Variants in ZFYVE9 observed in about 807,000 individuals in gnomAD.
ZFYVE9 encodes the protein zinc finger FYVE domain-containing protein 9.
ZFYVE9 carries 43 observed loss-of-function variants against 126.7 expected under a neutral mutation model. That is an observed-to-expected ratio of 0.34 (90% CI 0.27 to 0.44). The LOEUF is 0.44. ZFYVE9 is among the 20% of genes least tolerant of loss of function. The pLI is 1.00. For missense variants in ZFYVE9, 1,476 were observed against 1,697.0 expected, an observed-to-expected ratio of 0.87 and a Z score of 2.29; for synonymous variants, 521 against 597.4, an observed-to-expected ratio of 0.87 and a Z score of 1.87.
chr1:52,308,963 T>C (rs1423183546), intron 13 of ZFYVE9, among the ~76,000 whole-genome samples: 7 of 152,172 alleles, frequency 4.6e-5, no homozygotes. Context: ...TAAAACAATA[T>C]GAAAACAAAT....
intron 1 of ZFYVE9, among the ~76,000 whole-genome samples, chr1:52,193,070 T>C (rs149578682): frequency 1.2e-4 from 18 of 152,258 alleles, no homozygotes; most frequent in African/African-American, 4.3e-4. Context: ...TGAACCCCCA[T>C]TTGAACTCAG....
At chr1:52,174,188 A>G (rs1418354178) in intron 1 of ZFYVE9, among the ~76,000 whole-genome samples, 1 of 152,072 alleles carries the variant, frequency 6.6e-6, no homozygotes, top group Non-Finnish European at 1.5e-5. Context: ...TGTCCCAGAG[A>G]TTCTGGTATG....
At chr1:52,210,005 T>G (rs1645012926) in intron 1 of ZFYVE9, among the ~76,000 whole-genome samples, 1 of 152,136 alleles carries the variant, frequency 6.6e-6, no homozygotes. Flanking sequence ...AACAGAAAGA[T>G]GGAGGCATTA....
At chr1:52,210,801 C>T (rs1485082570) in intron 1 of ZFYVE9, among the ~76,000 whole-genome samples, 2 of 152,122 alleles carry the variant, frequency 1.3e-5, no homozygotes, top group East Asian at 1.9e-4. Flanking sequence ...ACTACAGGTG[C>T]CTGCCACCAC....
intron 11 of ZFYVE9, 93 bp from the exon 12 acceptor site, chr1:52,295,796 CATTATA>C (rs745522480): frequency 4.2e-6 from 4 of 946,072 alleles, no homozygotes; most frequent in African/African-American, 1.7e-5. Flanking sequence ...TCTAATGAGC[CATTATA>C]ATTATATTTT....
intron 4 of ZFYVE9, among the ~76,000 whole-genome samples, chr1:52,255,583 CA>C (rs753995875): frequency 4.2e-3 from 310 of 73,744 alleles, no homozygotes; most frequent in East Asian, 5.0e-3. Context: ...AAAACCATCT[CA>C]AAAAAAAAAA....
chr1:52,149,611 C>T (rs536357251), intron 1 of ZFYVE9, among the ~76,000 whole-genome samples: 109 of 152,196 alleles, frequency 7.2e-4, no homozygotes, highest in African/African-American at 2.4e-3. Context: ...GAATATTACC[C>T]GATGTTTTGG....
intron 12 of ZFYVE9, among the ~76,000 whole-genome samples, chr1:52,300,624 C>T (rs1235821347): frequency 6.7e-6 from 1 of 148,476 alleles, no homozygotes; most frequent in East Asian, 2.0e-4. Context: ...GTAGATTTAC[C>T]CATCTAGTTG....
chr1:52,336,552 T>C (rs1447612719), intron 15 of ZFYVE9, among the ~76,000 whole-genome samples: 1 of 151,836 alleles, frequency 6.6e-6, no homozygotes, highest in Non-Finnish European at 1.5e-5. Context: ...AGAGATGGGG[T>C]TCCACCATGT....
intron 2 of ZFYVE9, among the ~76,000 whole-genome samples, chr1:52,226,878 G>A (rs1338275367): frequency 6.6e-6 from 1 of 152,222 alleles, no homozygotes; most frequent in Non-Finnish European, 1.5e-5. Flanking sequence ...CCTCTCCAAA[G>A]GAGGCAACAG....
chr1:52,238,418 G>T lies in ZFYVE9; in HGVS notation c.1001G>T (p.Arg334Leu). Residue 334 changes from arginine (R) to leucine (L), a missense_variant, in exon 4 of 19, where the codon CGG becomes CTG. Around this residue, in one of 2 missense-constraint regions of ZFYVE9, gnomAD observed 807 missense variants for 794.6 expected, o/e 1.02. Coordinates refer to ENST00000287727, the MANE Select transcript of ZFYVE9 (RefSeq NM_004799.4). ...GAGAGCACCACTGAAGAATCCCTCC[G>T]GTCTGGTTTACCTTTGCTTCTCAAA... ...AEESTTEESL[R>L]SGLPLLLKPD... 4 of 1,613,984 alleles carry T rather than the reference G, an allele frequency of 2.5e-6. No homozygotes were observed. Among genetic ancestry groups the T allele is most frequent in the Non-Finnish European group, 3.4e-6 (4 of 1,179,964 alleles).
chr1:52,311,077 G>T (rs536161833), intron 13 of ZFYVE9, among the ~76,000 whole-genome samples: 1 of 152,172 alleles, frequency 6.6e-6, no homozygotes, highest in East Asian at 1.9e-4. Context: ...CGTTGCCCAG[G>T]TTGGTCTTGA....
rs1444366580 is a variant in ZFYVE9, at chr1:52,207,978, A to G, written c.-142-8391A>G. On this transcript the variant is annotated intron_variant, in intron 1 of 18. Transcript: ENST00000287727. ...TAGTTTTCATATAAAGTGTAAAGAAACTGAGATTCAGAGAGGTTATCTTGC... is the reference window on the plus strand; with the variant it reads ...TAGTTTTCATATAAAGTGTAAAGAAGCTGAGATTCAGAGAGGTTATCTTGC... Among the ~76,000 whole-genome samples, 5 of 152,226 alleles carry G rather than the reference A, an allele frequency of 3.3e-5. No individual in the cohort carries two copies. In the East Asian group the frequency reaches 7.7e-4, roughly 23 times the overall value.
At position 52,268,764 on chromosome 1, in the gene ZFYVE9, A is replaced by G. The variant is rs558298289; in HGVS notation, c.2625+132A>G. The G allele has an allele frequency of 1.3e-5, 14 of 1,086,700 alleles. No homozygotes were observed. In the South Asian group the frequency reaches 2.8e-4, roughly 22 times the overall value. 67.3% of individuals were successfully genotyped at this position (1,086,700 alleles called of 1,614,324 possible). On this transcript the variant is annotated intron_variant, in intron 7 of 18. Coordinates refer to ENST00000287727, the MANE Select transcript of ZFYVE9 (RefSeq NM_004799.4). ...TTAGTGTATACGTGCACATATATGG[A>G]TAAAGTAAATGTGGCAAAAATCAGC...
intron 12 of ZFYVE9, among the ~76,000 whole-genome samples, chr1:52,298,740 G>A (rs1392110209): frequency 3.3e-5 from 5 of 149,614 alleles, no homozygotes. Flanking sequence ...CCTTTGGGTA[G>A]TATGGCTATT....
chr1:52,300,253 C>G (rs1646020620), intron 12 of ZFYVE9, among the ~76,000 whole-genome samples: 1 of 152,132 alleles, frequency 6.6e-6, no homozygotes, highest in Admixed American at 6.5e-5. Flanking sequence ...CAACTCCAGT[C>G]AACCATCTTG....
chr1:52,175,038 C>T (rs1363216399), intron 1 of ZFYVE9, among the ~76,000 whole-genome samples: 2 of 152,062 alleles, frequency 1.3e-5, no homozygotes, highest in East Asian at 3.9e-4. Flanking sequence ...TGAATTTGAT[C>T]CTGTCATTAT....
chr1:52,143,166 T>C (rs1328924537), intron 1 of ZFYVE9, among the ~76,000 whole-genome samples: 6 of 152,180 alleles, frequency 3.9e-5, no homozygotes, highest in African/African-American at 1.4e-4. Flanking sequence ...ATTTTTATGC[T>C]TCAGTGTTCG....
At chr1:52,253,105 G>A (rs1478443038) in intron 4 of ZFYVE9, among the ~76,000 whole-genome samples, 1 of 152,114 alleles carries the variant, frequency 6.6e-6, no homozygotes, top group East Asian at 1.9e-4. Context: ...AGTGAGCTGT[G>A]CTCACACCAC....
Sources: gnomAD v4.1 joint callset for allele counts (sites outside exome capture counted in the v4.1 genomes callset) on GRCh38, gnomAD v4.1.1 for gene constraint, gnomAD v4.1.1 regional missense constraint, MANE v1.5 for transcripts, NCBI Gene and HGNC (gene_info 2026-07-23, HGNC 2026-07-21) for gene names.